Variants in VAT1L observed in about 807,000 individuals in gnomAD.
VAT1L encodes the protein vesicle amine transport 1 like.
In VAT1L, 34 loss-of-function variants were observed where a neutral mutation model predicts 44.1. The observed-to-expected ratio is 0.77, with a 90% CI of 0.59 to 1.03. VAT1L has a LOEUF of 1.03. Ranked by LOEUF, VAT1L falls within the 50% of genes least tolerant of loss-of-function variation. The pLI is 0.00. For missense variants in VAT1L, 615 were observed against 538.8 expected (o/e 1.14, Z -1.40); for synonymous variants, 253 against 202.2 (o/e 1.25, Z -2.13).
At chr16:77,939,121 C>T (rs190456753) in intron 7 of VAT1L, among the ~76,000 whole-genome samples, 266 of 152,282 alleles carry the variant, frequency 1.7e-3, no homozygotes, top group Middle Eastern at 0.014. Flanking sequence ...CCACAGTGCA[C>T]GGAAGTAACC....
chr16:77,902,045 T>C (rs765200299), intron 7 of VAT1L, among the ~76,000 whole-genome samples: 5 of 152,244 alleles, frequency 3.3e-5, no homozygotes, highest in Non-Finnish European at 5.9e-5. Context: ...TTTCACATAA[T>C]ATAAACACCA....
chr16:77,816,361 C>T (rs529263115), intron 1 of VAT1L, among the ~76,000 whole-genome samples: 1 of 152,210 alleles, frequency 6.6e-6, no homozygotes, highest in Non-Finnish European at 1.5e-5. Flanking sequence ...CTCCTGATGG[C>T]TTATATTCAC....
chr16:77,878,372 A>G (rs561388334), intron 5 of VAT1L, among the ~76,000 whole-genome samples: 1 of 152,250 alleles, frequency 6.6e-6, no homozygotes, highest in South Asian at 2.1e-4. Flanking sequence ...AATTACTCCA[A>G]AATCTTTGAA....
chr16:77,797,983 G>T (rs1438574303), intron 1 of VAT1L, among the ~76,000 whole-genome samples: 2 of 152,170 alleles, frequency 1.3e-5, no homozygotes, highest in African/African-American at 4.8e-5. Flanking sequence ...TCCAGTGAAA[G>T]AAGCTGTTTT....
intron 7 of VAT1L, among the ~76,000 whole-genome samples, chr16:77,965,752 G>A (rs1009330844): frequency 3.3e-5 from 5 of 152,220 alleles, no homozygotes; most frequent in East Asian, 1.9e-4. Context: ...CTAGGATGTG[G>A]GGTAGGCAGG....
chr16:77,945,042 T>A (rs2017942621), intron 7 of VAT1L, among the ~76,000 whole-genome samples: 1 of 152,182 alleles, frequency 6.6e-6, no homozygotes, highest in African/African-American at 2.4e-5. Context: ...CTCACCATGG[T>A]ACAAAAACCT....
chr16:77,843,576 G>A (rs1455422589), intron 3 of VAT1L, among the ~76,000 whole-genome samples: 1 of 152,206 alleles, frequency 6.6e-6, no homozygotes, highest in Non-Finnish European at 1.5e-5. Flanking sequence ...GTCCAGTCAG[G>A]AATGCATTAA....
At chr16:77,821,310 T>TTTTTTTG (rs2016450256) in intron 2 of VAT1L, among the ~76,000 whole-genome samples, 1 of 151,770 alleles carries the variant, frequency 6.6e-6, no homozygotes, top group Non-Finnish European at 1.5e-5. Context: ...CTTTTTTTTT[T>TTTTTTTG]TTTTTTCGAG....
chr16:77,836,558 A>G (rs1597058874), intron 3 of VAT1L, among the ~76,000 whole-genome samples: 1 of 152,182 alleles, frequency 6.6e-6, no homozygotes, highest in Non-Finnish European at 1.5e-5. Context: ...TGCCTTCCAA[A>G]ATGTCAGAGA....
At chr16:77,841,720 A>G (rs9929400) in intron 3 of VAT1L, among the ~76,000 whole-genome samples, 63,502 of 151,768 alleles carry the variant, frequency 0.42, 13,557 homozygotes, top group Non-Finnish European at 0.48. Context: ...CCTGGAAACT[A>G]TTTCCTCTGG....
intron 3 of VAT1L, among the ~76,000 whole-genome samples, chr16:77,842,184 G>C (rs1444685454): frequency 6.6e-6 from 1 of 152,082 alleles, no homozygotes; most frequent in East Asian, 1.9e-4. Context: ...ACCGCGCCCA[G>C]TCTACCAAGG....
chr16:77,966,283 T>A (rs1439397560), intron 7 of VAT1L, among the ~76,000 whole-genome samples: 1 of 152,092 alleles, frequency 6.6e-6, no homozygotes, highest in African/African-American at 2.4e-5. Context: ...AAGGCTGGGG[T>A]AAGGTTGACA....
In VAT1L at chr16:77,879,629, A is replaced by C. The variant is rs2142456671; in HGVS notation, c.882+405A>C. Among the ~76,000 whole-genome samples, 1 of 152,286 alleles carries C rather than the reference A, an allele frequency of 6.6e-6. No homozygotes were observed. Among genetic ancestry groups the C allele is most frequent in the South Asian group, 2.1e-4 (1 of 4,826 alleles). On this transcript the variant is annotated intron_variant, in intron 6 of 8. Coordinates refer to ENST00000302536, the MANE Select transcript of VAT1L (RefSeq NM_020927.3). This position sits in a 1 kb window ranked among gnomAD's most constrained non-coding sequence, Gnocchi z 4.1. ...AGGCATTGACTTAATCTTGTCTTTC[A>C]ATTTCCTCGTTCATTTCCCATAAAA...
intron 1 of VAT1L, among the ~76,000 whole-genome samples, chr16:77,809,673 G>T (rs1213552160): frequency 6.6e-6 from 1 of 152,220 alleles, no homozygotes; most frequent in African/African-American, 2.4e-5. Flanking sequence ...AGCAATTGCT[G>T]CTATGGGTAG....
chr16:77,800,216 TG>T (rs1214596454), intron 1 of VAT1L: 1 of 152,212 alleles, frequency 6.6e-6, no homozygotes, highest in Non-Finnish European at 1.5e-5. Flanking sequence ...TTCCCTAGCC[TG>T]GGAAATGTGG....
Position 77,825,472 on chromosome 16 carries a change from T to C in VAT1L, c.579+11T>C. ...GCTGGTGGGGGCGTGGTAAGTCAGC[T>C]GTTTGTAACTTCTCTTCTTTAAGGT... On this transcript the variant is annotated intron_variant, in intron 3 of 8. Coordinates refer to ENST00000302536, the MANE Select transcript of VAT1L (RefSeq NM_020927.3). 6.4e-7 allele frequency: 1 copy of C among 1,564,294 alleles called. No individual in the cohort carries two copies.
intron 7 of VAT1L, among the ~76,000 whole-genome samples, chr16:77,912,933 A>G (rs1440464045): frequency 1.3e-5 from 2 of 152,032 alleles, no homozygotes; most frequent in Non-Finnish European, 2.9e-5. Context: ...TCTTCTTCTA[A>G]GGGCATCAAT....
chr16:77,955,894 T>C (rs2018098731), intron 7 of VAT1L, among the ~76,000 whole-genome samples: 5 of 152,140 alleles, frequency 3.3e-5, no homozygotes, highest in Admixed American at 3.3e-4. Flanking sequence ...CAACCCACTG[T>C]CTCATACCTG....
chr16:77,789,007 G>A, intron 1 of VAT1L, 92 bp downstream of exon 1: 1 of 1,375,342 alleles, frequency 7.3e-7, no homozygotes, highest in Non-Finnish European at 9.5e-7. Flanking sequence ...TGCTGCCCGG[G>A]TAGAACCGCC....
Sources: allele counts gnomAD v4.1 joint callset (sites outside exome capture counted in the v4.1 genomes callset), GRCh38; gene constraint gnomAD v4.1.1; non-coding constraint Gnocchi (gnomAD v3.1); transcripts MANE v1.5; gene names NCBI Gene and HGNC (gene_info 2026-07-23, HGNC 2026-07-21).